The following BRD4 variants were observed in gnomAD, a reference collection of about 807,000 sequenced individuals.
BRD4 encodes the protein bromodomain-containing protein 4.
Under a neutral mutation model 142.1 loss-of-function variants are expected in BRD4, and 16 were observed. That is an observed-to-expected ratio of 0.11 (90% CI 0.08 to 0.17). The LOEUF (loss-of-function observed/expected upper bound fraction) is 0.17. Ranked by LOEUF, BRD4 falls within the 10% of genes least tolerant of loss-of-function variation. The probability of loss-of-function intolerance (pLI) is 1.00; values close to 1 mark genes in which losing one functional copy is unlikely to be tolerated. For missense variants in BRD4, 1,424 were observed against 1,810.9 expected (o/e 0.79, Z 3.88); for synonymous variants, 833 against 707.5 (o/e 1.18, Z -2.82).
chr19:15,322,825 C>T (rs1326738827), intron 1 of BRD4, among the ~76,000 whole-genome samples: 2 of 146,980 alleles, frequency 1.4e-5, no homozygotes, highest in East Asian at 4.0e-4. Flanking sequence ...TGAGACTGCG[C>T]CACTGCACTC....
At chr19:15,323,336 C>T (rs2048080804) in intron 1 of BRD4, among the ~76,000 whole-genome samples, 1 of 152,016 alleles carries the variant, frequency 6.6e-6, no homozygotes, top group Non-Finnish European at 1.5e-5. Flanking sequence ...GGCAGATGTC[C>T]CCTGCTGAGT....
intron 1 of BRD4, among the ~76,000 whole-genome samples, chr19:15,314,359 A>G (rs1325014738): frequency 1.3e-5 from 2 of 152,208 alleles, no homozygotes; most frequent in Admixed American, 6.5e-5. Flanking sequence ...CTAGGTCACT[A>G]GAGTTCACTC....
At chr19:15,325,963 A>G (rs2048104079) in intron 1 of BRD4, among the ~76,000 whole-genome samples, 1 of 138,770 alleles carries the variant, frequency 7.2e-6, no homozygotes, top group East Asian at 2.1e-4. Flanking sequence ...GTGCCATTGC[A>G]CTCCAGCCTG....
rs562090152 is a variant in BRD4, at chr19:15,277,379, T to C, written c.-34-4246A>G. Among the ~76,000 whole-genome samples the C allele has an allele frequency of 3.3e-5, 5 of 152,304 alleles. No individual in the cohort carries two copies. In the Middle Eastern group the frequency reaches 0.01, roughly 311 times the overall value. On this transcript the variant is annotated intron_variant, in intron 1 of 19. Transcript: ENST00000679869. ...TTGGGGATGTCATGGTAAACTCAGA[T>C]GGCATTGCAGGAACTATCAGCACAA...
intron 1 of BRD4, among the ~76,000 whole-genome samples, chr19:15,305,884 T>C (rs1488504261): frequency 6.6e-6 from 1 of 152,274 alleles, no homozygotes; most frequent in Non-Finnish European, 1.5e-5. Context: ...GATAACTTGC[T>C]ACAGTTTTTC....
intron 2 of BRD4, among the ~76,000 whole-genome samples, chr19:15,269,405 T>C (rs1293691346): frequency 6.6e-6 from 1 of 152,220 alleles, no homozygotes; most frequent in Non-Finnish European, 1.5e-5. Flanking sequence ...AAAGCAATCC[T>C]CACCTAGTAA....
At chr19:15,245,352 C>T (rs554095405) in intron 11 of BRD4, among the ~76,000 whole-genome samples, 1 of 151,742 alleles carries the variant, frequency 6.6e-6, no homozygotes, top group African/African-American at 2.4e-5. Context: ...AGGAACATAT[C>T]GGCAAGGGAA....
At chr19:15,317,995 T>C (rs1249661116) in intron 1 of BRD4, among the ~76,000 whole-genome samples, 1 of 152,264 alleles carries the variant, frequency 6.6e-6, no homozygotes, top group East Asian at 1.9e-4. Flanking sequence ...CAGCTTTTTA[T>C]AACTGAAAGT....
chr19:15,309,811 T>C (rs537251620), intron 1 of BRD4, among the ~76,000 whole-genome samples: 88 of 152,258 alleles, frequency 5.8e-4, no homozygotes, highest in African/African-American at 2.0e-3. Context: ...CATGCTGCCC[T>C]TCCAAGGACT....
intron 2 of BRD4, among the ~76,000 whole-genome samples, chr19:15,270,203 A>G (rs1361332264): frequency 6.6e-6 from 1 of 152,248 alleles, no homozygotes; most frequent in African/African-American, 2.4e-5. Flanking sequence ...GTATACTAAC[A>G]GCAAGCACTG....
chr19:15,272,425 T>TTTGATCAACTACGTCTACTTATCC (rs1364560008), intron 2 of BRD4, among the ~76,000 whole-genome samples: 1 of 152,160 alleles, frequency 6.6e-6, no homozygotes, highest in African/African-American at 2.4e-5. Flanking sequence ...TCTAGCATAG[T>TTTGATCAACTACGTCTACTTATCC]TTGATCAACT....
At chr19:15,249,223 T>C in intron 11 of BRD4, 1 of 1,613,760 alleles carries the variant, frequency 6.2e-7, no homozygotes, top group Non-Finnish European at 8.5e-7. Context: ...AAGCTATAGC[T>C]TGCTGGGAAG....
intron 1 of BRD4, among the ~76,000 whole-genome samples, chr19:15,321,091 G>A (rs759350839): frequency 3.9e-5 from 6 of 152,062 alleles, no homozygotes; most frequent in Non-Finnish European, 7.3e-5. Flanking sequence ...AAAACTAGCC[G>A]GGCATGGTGG....
chr19:15,311,343 C>T (rs372062805), intron 1 of BRD4, among the ~76,000 whole-genome samples: 17 of 152,122 alleles, frequency 1.1e-4, no homozygotes, highest in East Asian at 7.7e-4. Flanking sequence ...TTTGCACACT[C>T]ATGTTCACTG....
chr19:15,258,112 T>C (rs991107751), intron 7 of BRD4, among the ~76,000 whole-genome samples: 2 of 152,172 alleles, frequency 1.3e-5, no homozygotes. Flanking sequence ...AAACCAGGAA[T>C]AAACTGATCA....
At chr19:15,274,438 T>A (rs1259512624) in intron 1 of BRD4, among the ~76,000 whole-genome samples, 1 of 151,776 alleles carries the variant, frequency 6.6e-6, no homozygotes, top group Non-Finnish European at 1.5e-5. Context: ...GTACAAAGAG[T>A]GAGGCCAAGG....
chr19:15,237,622 GA>G lies in BRD4; in HGVS notation c.*754del, dbSNP rs1006511863. The G allele has an allele frequency of 4.7e-5, 9 of 189,700 alleles. No homozygotes were observed. The South Asian group carries it at 8.4e-4, about 18-fold the overall frequency. The allele number at this position is 189,700 out of a possible 1,614,324, so 11.8% of individuals were successfully genotyped here. On this transcript the variant is annotated 3_prime_UTR_variant, in exon 20 of 20. Transcript: ENST00000679869. ...TAGAATTCAACAAAAAATATATATA[GA>G]AAAAAAAGAAAAAAAAAAACGAAAC...
At chr19:15,242,457 T>C (rs2047245650) in intron 14 of BRD4, among the ~76,000 whole-genome samples, 1 of 152,184 alleles carries the variant, frequency 6.6e-6, no homozygotes, top group African/African-American at 2.4e-5. Context: ...AGCTGCCTTT[T>C]GAGCTTCCAG....
chr19:15,274,070 T>C (rs1027637688), intron 1 of BRD4, among the ~76,000 whole-genome samples: 21 of 152,240 alleles, frequency 1.4e-4, no homozygotes, highest in African/African-American at 4.8e-4. Flanking sequence ...AGCAACTCCA[T>C]GGACTAGGCT....
Sources: gnomAD v4.1 joint callset for allele counts (sites outside exome capture counted in the v4.1 genomes callset) on GRCh38, gnomAD v4.1.1 for gene constraint, MANE v1.5 for transcripts, NCBI Gene and HGNC (gene_info 2026-07-23, HGNC 2026-07-21) for gene names.